Variants in TUSC3 observed in about 807,000 individuals in gnomAD.
The protein encoded by TUSC3 is tumor suppressor candidate 3.
Under a neutral mutation model 44.8 loss-of-function variants are expected in TUSC3, and 45 were observed. The ratio of observed to expected loss-of-function variants is 1.00; its 90% CI spans 0.79 to 1.29. TUSC3 has a LOEUF of 1.29. TUSC3 is among the 50% of genes most tolerant of loss of function. TUSC3 has a pLI of 0.00. For synonymous variants in TUSC3, 212 were observed against 152.9 expected, an observed-to-expected ratio of 1.39 and a Z score of -2.85; for missense variants, 519 against 437.9, an observed-to-expected ratio of 1.19 and a Z score of -1.65.
intron 1 of TUSC3, among the ~76,000 whole-genome samples, chr8:15,551,973 G>A (rs75176690): frequency 4.4e-4 from 66 of 151,666 alleles, no homozygotes; most frequent in Admixed American, 1.3e-3. Flanking sequence ...GTGTTTTACC[G>A]ATTTCTTAGT....
intron 10 of TUSC3, among the ~76,000 whole-genome samples, chr8:15,760,242 C>G (rs897832652): frequency 9.2e-5 from 14 of 151,990 alleles, no homozygotes; most frequent in African/African-American, 3.4e-4. Context: ...TTCATAAATC[C>G]CAACACCCAG....
the TUSC3 span, among the ~76,000 whole-genome samples, chr8:15,772,487 G>GGACAGA: frequency 6.6e-6 from 1 of 152,050 alleles, no homozygotes; most frequent in Non-Finnish European, 1.5e-5. Flanking sequence ...AACAAAATAT[G>GGACAGA]GACAGACCTC....
At chr8:15,598,430 C>T (rs1223335768) in intron 1 of TUSC3, among the ~76,000 whole-genome samples, 3 of 151,832 alleles carry the variant, frequency 2.0e-5, no homozygotes, top group Non-Finnish European at 4.4e-5. Flanking sequence ...CAATGTGGTA[C>T]ATTTGTTAAA....
chr8:15,533,471 A>C (rs370709119), intron 2 of TUSC3, among the ~76,000 whole-genome samples: 6 of 152,322 alleles, frequency 3.9e-5, no homozygotes, highest in African/African-American at 1.4e-4. Flanking sequence ...CTATCAATTT[A>C]TATTGCTAGG....
intron 1 of TUSC3, among the ~76,000 whole-genome samples, chr8:15,583,012 C>G (rs1585124321): frequency 6.6e-6 from 1 of 152,078 alleles, no homozygotes; most frequent in African/African-American, 2.4e-5. Flanking sequence ...ATTTTGATTT[C>G]AACAACATGT....
intron 6 of TUSC3, among the ~76,000 whole-genome samples, chr8:15,705,756 T>A (rs1297641902): frequency 6.6e-6 from 1 of 152,022 alleles, no homozygotes; most frequent in Non-Finnish European, 1.5e-5. Context: ...CCAATGATGA[T>A]GGCAGGTGGG....
rs976324729 is a variant in TUSC3 at position 15,573,178 on chromosome 8, C to T, written c.138+32610C>T. Among the ~76,000 whole-genome samples the T allele has an allele frequency of 4.5e-3, 382 of 84,620 alleles. 5 individuals are homozygous for T. The highest frequency in any genetic ancestry group is 0.017 in the African/African-American group (346 of 20,958). 55.5% of individuals were successfully genotyped at this position (84,620 alleles called of 152,430 possible). A position where few individuals can be genotyped will look rare whatever the true frequency, so the allele number is the denominator to read the frequency against. ...TAGTGTTCTCTCTCTTTCTCTCTCT[C>T]TCTCTCTCTCTCTCTCTCTCTCTCT... On this transcript the variant is annotated intron_variant, in intron 1 of 10. Coordinates refer to ENST00000503731, the MANE Select transcript of TUSC3 (RefSeq NM_006765.4).
the TUSC3 span, among the ~76,000 whole-genome samples, chr8:15,811,320 C>G: frequency 0.017 from 2,646 of 152,226 alleles, 83 homozygotes; most frequent in African/African-American, 0.061. Flanking sequence ...TTGTCCACAT[C>G]AAGTGTCTAT....
intron 2 of TUSC3, among the ~76,000 whole-genome samples, chr8:15,509,593 G>C (rs1417721899): frequency 6.6e-6 from 1 of 152,020 alleles, no homozygotes; most frequent in Non-Finnish European, 1.5e-5. Flanking sequence ...GGGAGACAGA[G>C]TGAGACACCA....
At chr8:15,768,447 G>C (rs144972509), downstream of TUSC3, among the ~76,000 whole-genome samples, 79 of 152,186 alleles carry the variant, frequency 5.2e-4, no homozygotes, top group East Asian at 0.012. Context: ...TTATTCACAA[G>C]AAAGAAATTA....
At chr8:15,547,903 C>G (rs949864144) in intron 1 of TUSC3, among the ~76,000 whole-genome samples, 3 of 151,730 alleles carry the variant, frequency 2.0e-5, no homozygotes, top group Admixed American at 6.6e-5. Flanking sequence ...GATTAACCAA[C>G]ATTTTCATAA....
At chr8:15,646,039 C>T (rs1460526075) in intron 2 of TUSC3, among the ~76,000 whole-genome samples, 2 of 152,032 alleles carry the variant, frequency 1.3e-5, no homozygotes, top group Admixed American at 6.6e-5. Flanking sequence ...AGATCCTAGC[C>T]ATTGGACAAT....
At chr8:15,535,338 A>G (rs917436443), upstream of TUSC3, among the ~76,000 whole-genome samples, 1 of 152,186 alleles carries the variant, frequency 6.6e-6, no homozygotes, top group African/African-American at 2.4e-5. Context: ...TGAACCTAGT[A>G]GAGTGTCACT....
the TUSC3 span, among the ~76,000 whole-genome samples, chr8:15,843,165 G>A: frequency 6.6e-6 from 1 of 152,092 alleles, no homozygotes; most frequent in Non-Finnish European, 1.5e-5. Flanking sequence ...CTTCTCAAGA[G>A]TTTCTCTATA....
chr8:15,685,585 T>A (rs1808595146), intron 6 of TUSC3, among the ~76,000 whole-genome samples: 1 of 152,182 alleles, frequency 6.6e-6, no homozygotes, highest in Non-Finnish European at 1.5e-5. Flanking sequence ...GAATTGTATT[T>A]TTCAAAAGTG....
At chr8:15,473,511 A>C (rs905070767) in intron 1 of TUSC3, among the ~76,000 whole-genome samples, 1 of 152,010 alleles carries the variant, frequency 6.6e-6, no homozygotes, top group African/African-American at 2.4e-5. Context: ...TATTGGGGGA[A>C]CCCACCCCCA....
At chr8:15,777,926 A>G in the TUSC3 span, among the ~76,000 whole-genome samples, 16 of 152,292 alleles carry the variant, frequency 1.1e-4, no homozygotes, top group African/African-American at 3.8e-4. Flanking sequence ...TAGATGGACC[A>G]GATTTGAAAT....
the TUSC3 span, among the ~76,000 whole-genome samples, chr8:15,838,696 G>A: frequency 6.6e-6 from 1 of 152,132 alleles, no homozygotes; most frequent in Non-Finnish European, 1.5e-5. Flanking sequence ...TGAGGGCCCT[G>A]TTCTGTTCCA....
At chr8:15,694,553 C>A (rs1484270685) in intron 6 of TUSC3, among the ~76,000 whole-genome samples, 1 of 151,138 alleles carries the variant, frequency 6.6e-6, no homozygotes. Context: ...TTTTTATCTT[C>A]GTGGGCTGAT....
Sources: gnomAD v4.1 joint callset for allele counts (sites outside exome capture counted in the v4.1 genomes callset) on GRCh38, gnomAD v4.1.1 for gene constraint, MANE v1.5 for transcripts, NCBI Gene and HGNC (gene_info 2026-07-23, HGNC 2026-07-21) for gene names.